RAPGEF4: variants seen among roughly 807,000 people sequenced by gnomAD.
The protein encoded by RAPGEF4 is RAP guanine-nucleotide-exchange factor (GEF) 4.
Under a neutral mutation model 147.9 loss-of-function variants are expected in RAPGEF4, and 66 were observed. The ratio of observed to expected loss-of-function variants is 0.45; its 90% CI spans 0.37 to 0.55. The LOEUF (loss-of-function observed/expected upper bound fraction) is 0.55. RAPGEF4 is among the 20% of genes least tolerant of loss of function. The pLI is 0.00. For missense variants in RAPGEF4, 1,071 were observed against 1,257.3 expected (o/e 0.85, Z 2.24); for synonymous variants, 419 against 442.7 (o/e 0.95, Z 0.67).
At position 173,000,738 on chromosome 2, in the gene RAPGEF4, TTTTC is replaced by T. The variant is rs200903707; in HGVS notation, c.1580-516_1580-513del. 5.0e-3 allele frequency among the ~76,000 whole-genome samples: 503 copies of T among 99,748 alleles called. 30 individuals carry two copies. Among genetic ancestry groups the T allele is most frequent in the Non-Finnish European group, 6.5e-3 (323 of 49,484 alleles). The allele number at this position is 99,748 out of a possible 152,430, so 65.4% of individuals were successfully genotyped here. A position where few individuals can be genotyped will look rare whatever the true frequency, so the allele number is the denominator to read the frequency against. ...GCCTTAATCTTGTTTTCTTTCTTTC[TTTTC>T]TTTCTTTCTTTTTTTTTTTTTTTTG... is the stretch of plus-strand genomic sequence containing the variant. On this transcript the variant is annotated intron_variant, in intron 16 of 30. Coordinates refer to ENST00000397081, the MANE Select transcript of RAPGEF4 (RefSeq NM_007023.4).
chr2:173,022,533 C>G (rs1696209792), intron 23 of RAPGEF4, among the ~76,000 whole-genome samples: 1 of 152,218 alleles, frequency 6.6e-6, no homozygotes, highest in Admixed American at 6.5e-5. Context: ...AGGAGTCGCA[C>G]AGAGGATGAC....
intron 4 of RAPGEF4, among the ~76,000 whole-genome samples, chr2:172,828,171 C>G (rs1428934249): frequency 6.6e-6 from 1 of 152,080 alleles, no homozygotes; most frequent in East Asian, 1.9e-4. Flanking sequence ...AAAGATACAA[C>G]AGGGGTGCAT....
chr2:172,765,393 G>T (rs2149476593), intron 1 of RAPGEF4, among the ~76,000 whole-genome samples: 1 of 152,300 alleles, frequency 6.6e-6, no homozygotes, highest in Non-Finnish European at 1.5e-5. Flanking sequence ...ACTCAGAAAA[G>T]AATCTACCTG....
At chr2:172,902,438 G>A (rs1408855024) in intron 4 of RAPGEF4, among the ~76,000 whole-genome samples, 1 of 152,070 alleles carries the variant, frequency 6.6e-6, no homozygotes, top group East Asian at 1.9e-4. Context: ...GAGTAGCTGG[G>A]ACTACAGGCA....
At chr2:172,912,781 G>A (rs560352391) in intron 4 of RAPGEF4, among the ~76,000 whole-genome samples, 3 of 152,130 alleles carry the variant, frequency 2.0e-5, no homozygotes, top group South Asian at 2.1e-4. Flanking sequence ...TTCCTCAGGG[G>A]CACTTTTCAT....
chr2:172,925,314 A>G (rs1204814996), intron 6 of RAPGEF4, among the ~76,000 whole-genome samples: 5 of 152,202 alleles, frequency 3.3e-5, no homozygotes, highest in African/African-American at 1.2e-4. Flanking sequence ...TGCACACATC[A>G]ACAAGTGCTG....
At chr2:172,747,306 T>C (rs1694867315) in intron 1 of RAPGEF4, among the ~76,000 whole-genome samples, 1 of 152,234 alleles carries the variant, frequency 6.6e-6, no homozygotes, top group African/African-American at 2.4e-5. Flanking sequence ...ATCAAGCTAA[T>C]TAACATATTC....
At chr2:172,815,232 A>T (rs959934121) in intron 4 of RAPGEF4, among the ~76,000 whole-genome samples, 1 of 152,254 alleles carries the variant, frequency 6.6e-6, no homozygotes, top group Non-Finnish European at 1.5e-5. Context: ...AGTGTGGCTA[A>T]GATTTTAAAC....
Position 172,751,268 on chromosome 2 carries a change from T to C in RAPGEF4, c.65+15220T>C, listed in dbSNP as rs369156238. Among the ~76,000 whole-genome samples the C allele has an allele frequency of 5.9e-5, 9 of 152,352 alleles. 1 individual carries two copies. The South Asian group carries it at 6.2e-4, about 11-fold the overall frequency. ...ATGTGCCAGTCACTCTTGCTGGGTA[T>C]ACATTAGTGAGAAAAACTGTCAAAG... On this transcript the variant is annotated intron_variant, in intron 1 of 30. Coordinates refer to ENST00000397081, the MANE Select transcript of RAPGEF4 (RefSeq NM_007023.4).
chr2:172,736,259 C>A (rs879593469), intron 1 of RAPGEF4: 3 of 350,348 alleles, frequency 8.6e-6, no homozygotes, highest in East Asian at 9.2e-5. Flanking sequence ...GATTATTACA[C>A]GTGGTGGAGA....
chr2:172,788,721 C>CA (rs1196475249), intron 1 of RAPGEF4, among the ~76,000 whole-genome samples: 4 of 150,666 alleles, frequency 2.7e-5, no homozygotes, highest in South Asian at 2.1e-4. Context: ...CCTGTCTCTA[C>CA]AAAAAAAATA....
intron 4 of RAPGEF4, chr2:172,889,875 T>G: frequency 1.1e-6 from 1 of 943,878 alleles, no homozygotes; most frequent in Non-Finnish European, 1.3e-6. Flanking sequence ...TACTCCAGTA[T>G]GCAAGACTGT....
intron 3 of RAPGEF4, among the ~76,000 whole-genome samples, chr2:172,806,982 T>C (rs1687558704): frequency 6.6e-6 from 1 of 152,240 alleles, no homozygotes; most frequent in African/African-American, 2.4e-5. Context: ...CTCTGATTCT[T>C]CTATTCACTC....
At chr2:172,917,561 A>G in intron 4 of RAPGEF4, 3 of 674,902 alleles carry the variant, frequency 4.4e-6, no homozygotes, top group Non-Finnish European at 8.2e-6. Context: ...AGATATATAA[A>G]TGAACTGGCG....
chr2:172,789,710 C>A (rs566679524), intron 1 of RAPGEF4, among the ~76,000 whole-genome samples: 3 of 152,116 alleles, frequency 2.0e-5, no homozygotes, highest in African/African-American at 7.2e-5. Context: ...TGGAAATATG[C>A]GGTATTTGTC....
chr2:172,824,962 T>C (rs1396450453), intron 4 of RAPGEF4, among the ~76,000 whole-genome samples: 3 of 152,260 alleles, frequency 2.0e-5, no homozygotes, highest in Non-Finnish European at 4.4e-5. Flanking sequence ...TGAAAACTTA[T>C]GACTCTTGAT....
At chr2:172,890,598 C>T (rs996187668) in intron 4 of RAPGEF4, among the ~76,000 whole-genome samples, 6 of 152,200 alleles carry the variant, frequency 3.9e-5, no homozygotes, top group African/African-American at 1.4e-4. Flanking sequence ...TTACGTTTCT[C>T]TCCTCTGTCC....
intron 1 of RAPGEF4, among the ~76,000 whole-genome samples, chr2:172,737,352 A>G (rs1013499598): frequency 2.0e-5 from 3 of 152,240 alleles, no homozygotes; most frequent in Non-Finnish European, 2.9e-5. Context: ...TGTTAATGTG[A>G]TAAGTATCTA....
At chr2:173,044,037 T>C (rs549726750) in intron 29 of RAPGEF4, among the ~76,000 whole-genome samples, 61 of 152,146 alleles carry the variant, frequency 4.0e-4, no homozygotes, top group Non-Finnish European at 6.3e-4. Flanking sequence ...AGAGGAACAG[T>C]ATACAGGAAA....
Sources: allele counts gnomAD v4.1 joint callset (sites outside exome capture counted in the v4.1 genomes callset), GRCh38; gene constraint gnomAD v4.1.1; transcripts MANE v1.5; gene names NCBI Gene and HGNC (gene_info 2026-07-23, HGNC 2026-07-21).